Variants in DDHD1 observed in about 807,000 individuals in gnomAD.
The protein encoded by DDHD1 is DDHD domain containing 1.
In DDHD1, 49 loss-of-function variants were observed where a neutral mutation model predicts 96.4. The observed-to-expected ratio is 0.51, with a 90% CI of 0.40 to 0.64. The LOEUF (loss-of-function observed/expected upper bound fraction) is 0.64. Among genes scored for constraint, DDHD1 ranks in the 30% least tolerant of loss-of-function variants. DDHD1 has a pLI of 0.00. For missense variants in DDHD1, 1,106 were observed against 1,161.2 expected, an observed-to-expected ratio of 0.95 and a Z score of 0.69; for synonymous variants, 442 against 446.5, an observed-to-expected ratio of 0.99 and a Z score of 0.13.
intron 1 of DDHD1, among the ~76,000 whole-genome samples, chr14:53,148,035 G>A (rs1322824494): frequency 2.0e-5 from 3 of 152,094 alleles, no homozygotes; most frequent in African/African-American, 4.8e-5. Flanking sequence ...TAATCTTCCC[G>A]TTGTTGCAAT....
chr14:53,141,374 G>A (rs1418716563), intron 1 of DDHD1, among the ~76,000 whole-genome samples: 1 of 152,128 alleles, frequency 6.6e-6, no homozygotes, highest in African/African-American at 2.4e-5. Context: ...TTAGACTAGG[G>A]GGTTTATGAA....
At chr14:53,088,084 T>C (rs1886132851) in intron 4 of DDHD1, among the ~76,000 whole-genome samples, 1 of 152,196 alleles carries the variant, frequency 6.6e-6, no homozygotes, top group African/African-American at 2.4e-5. Flanking sequence ...GATAAATTCC[T>C]GGACACATAC....
chr14:53,152,702 C>A lies in DDHD1; in HGVS notation c.397G>T (p.Gly133Cys). Residue 133 changes from glycine (G) to cysteine (C), a missense_variant, in exon 1 of 13, where the codon GGC (glycine) becomes TGC (cysteine). Gly to Cys is a radical substitution (Grantham distance 159). Transcript: ENST00000673822. ...CCGGGGGACCCTCCTGTCGCGCCGCCGCCCCCCGAGTTCGTCGGGACCAGC... is the reference window on the plus strand; with the variant it reads ...CCGGGGGACCCTCCTGTCGCGCCGCAGCCCCCCGAGTTCGTCGGGACCAGC... The part of the protein sequence containing the change: ...PPLVPTNSGG[G>C]GATGGSPGER... 1 of 1,610,976 alleles carries A rather than the reference C, an allele frequency of 6.2e-7. No individual in the cohort carries two copies. Among genetic ancestry groups the A allele is most frequent in the South Asian group, 1.1e-5 (1 of 90,920 alleles).
At position 53,121,797 on chromosome 14, in the gene DDHD1, G is replaced by C. The variant is rs562666615; in HGVS notation, c.839-17941C>G. On this transcript the variant is annotated intron_variant, in intron 1 of 12. Coordinates refer to ENST00000673822, the MANE Select transcript of DDHD1 (RefSeq NM_001160148.2). ...GGAAGCAAGGGAGGGAGACCATCAGGATAAATACCTAATGCATGCAGGGCT... is the reference window on the plus strand; with the variant it reads ...GGAAGCAAGGGAGGGAGACCATCAGCATAAATACCTAATGCATGCAGGGCT... Among the ~76,000 whole-genome samples, 3 of 152,134 alleles carry C rather than the reference G, an allele frequency of 2.0e-5. No homozygotes were observed. In the South Asian group the frequency reaches 6.2e-4, roughly 32 times the overall value.
At chr14:53,097,123 T>TA (rs1399859896) in intron 2 of DDHD1, among the ~76,000 whole-genome samples, 1 of 152,056 alleles carries the variant, frequency 6.6e-6, no homozygotes, top group Non-Finnish European at 1.5e-5. Flanking sequence ...TCTTTATGAT[T>TA]AGCTCAAATT....
chr14:53,139,728 C>T (rs775730556), intron 1 of DDHD1, among the ~76,000 whole-genome samples: 11 of 151,696 alleles, frequency 7.3e-5, no homozygotes, highest in South Asian at 2.1e-4. Context: ...AAAAACAAGG[C>T]GTGCCTATTT....
intron 1 of DDHD1, among the ~76,000 whole-genome samples, chr14:53,133,426 C>T (rs183119520): frequency 3.3e-5 from 5 of 152,270 alleles, no homozygotes; most frequent in Admixed American, 1.3e-4. Flanking sequence ...GATAACAGAC[C>T]GGCCTTTATT....
chr14:53,123,034 G>C (rs1889124821), intron 1 of DDHD1, among the ~76,000 whole-genome samples: 1 of 151,724 alleles, frequency 6.6e-6, no homozygotes, highest in Non-Finnish European at 1.5e-5. Flanking sequence ...CAGAGAATTT[G>C]AAACAGTCTA....
intron 1 of DDHD1, among the ~76,000 whole-genome samples, chr14:53,116,500 G>A (rs1175063087): frequency 6.6e-6 from 1 of 152,068 alleles, no homozygotes; most frequent in Non-Finnish European, 1.5e-5. Context: ...AAATGCAAAA[G>A]AATGGAAATC....
intron 1 of DDHD1, among the ~76,000 whole-genome samples, chr14:53,133,388 G>A (rs1890012300): frequency 6.6e-6 from 1 of 152,112 alleles, no homozygotes. Flanking sequence ...TACTTCCTCG[G>A]TTTGGCCTTT....
At chr14:53,142,949 T>C (rs1890738782) in intron 1 of DDHD1, among the ~76,000 whole-genome samples, 1 of 152,242 alleles carries the variant, frequency 6.6e-6, no homozygotes, top group African/African-American at 2.4e-5. Flanking sequence ...GCCAAGAATG[T>C]CAAGCGGGTT....
chr14:53,152,113 G>GATGCTGT, intron 1 of DDHD1, 148 bp downstream of exon 1: 1 of 833,742 alleles, frequency 1.2e-6, no homozygotes, highest in African/African-American at 1.7e-5. Flanking sequence ...AGCTGCCGAC[G>GATGCTGT]CTCCCTGCTC....
intron 6 of DDHD1, among the ~76,000 whole-genome samples, chr14:53,068,235 T>A (rs2139894228): frequency 7.9e-6 from 1 of 126,966 alleles, no homozygotes; most frequent in East Asian, 2.4e-4. Flanking sequence ...CACTCGGCCT[T>A]TATGATACTT....
chr14:53,100,331 A>G (rs1191209470), intron 2 of DDHD1, among the ~76,000 whole-genome samples: 1 of 151,872 alleles, frequency 6.6e-6, no homozygotes, highest in East Asian at 1.9e-4. Flanking sequence ...TAAAAAAAAA[A>G]TTAGCCTGGT....
At chr14:53,114,746 G>A (rs1330820949) in intron 1 of DDHD1, among the ~76,000 whole-genome samples, 1 of 152,196 alleles carries the variant, frequency 6.6e-6, no homozygotes, top group African/African-American at 2.4e-5. Context: ...ATCAAAGGTA[G>A]ATAAATCCAC....
chr14:53,152,702 C>T lies in DDHD1; in HGVS notation c.397G>A (p.Gly133Ser), dbSNP rs1411931105. 6 of 1,610,858 alleles carry T rather than the reference C, an allele frequency of 3.7e-6. No homozygotes were observed. In the African/African-American group the frequency reaches 5.3e-5, roughly 14 times the overall value. The change falls in exon 1 of 13, where the codon GGC becomes AGC. Residue 133 changes from glycine (G) to serine (S), a missense_variant. By Grantham distance (56) the Gly-to-Ser change is moderately conservative. This residue lies in a region of DDHD1 where 456 missense variants were observed against 402.4 expected (regional missense o/e 1.13). Transcript: ENST00000673822. ...CCGGGGGACCCTCCTGTCGCGCCGC[C>T]GCCCCCCGAGTTCGTCGGGACCAGC... is the stretch of plus-strand genomic sequence containing the variant. ...PPLVPTNSGGGGATGGSPGER... is the reference protein window; with the variant it reads ...PPLVPTNSGGSGATGGSPGER...
At chr14:53,098,856 A>C (rs1441316802) in intron 2 of DDHD1, among the ~76,000 whole-genome samples, 1 of 152,122 alleles carries the variant, frequency 6.6e-6, no homozygotes, top group East Asian at 1.9e-4. Flanking sequence ...TGGAACAGTA[A>C]GAATTCCAAT....
chr14:53,058,350 G>T, intron 9 of DDHD1, 127 bp downstream of exon 9: 4 of 1,062,430 alleles, frequency 3.8e-6, no homozygotes, highest in Non-Finnish European at 4.1e-6. Flanking sequence ...CCTGACCTCA[G>T]ATGATGCGCC....
intron 4 of DDHD1, among the ~76,000 whole-genome samples, chr14:53,083,577 G>A (rs1885681693): frequency 6.6e-6 from 1 of 152,134 alleles, no homozygotes; most frequent in South Asian, 2.1e-4. Flanking sequence ...AAGGTTAAGA[G>A]GGAAAACTCT....
Sources: gnomAD v4.1 joint callset for allele counts (sites outside exome capture counted in the v4.1 genomes callset) on GRCh38, gnomAD v4.1.1 for gene constraint, gnomAD v4.1.1 regional missense constraint, MANE v1.5 for transcripts, NCBI Gene and HGNC (gene_info 2026-07-23, HGNC 2026-07-21) for gene names.